LHFPL1: variants seen among roughly 807,000 people sequenced by gnomAD.
LHFPL1 encodes the protein LHFPL tetraspan subfamily member 1.
LHFPL1 carries 4 observed loss-of-function variants against 12.1 expected under a neutral mutation model. That is an observed-to-expected ratio of 0.33 (90% CI 0.16 to 0.76). The LOEUF (loss-of-function observed/expected upper bound fraction) is 0.76, where lower values mean the gene tolerates loss of function less well. Ranked by LOEUF, LHFPL1 falls within the 30% of genes least tolerant of loss-of-function variation. The probability of loss-of-function intolerance (pLI) is 0.61; values close to 1 mark genes in which losing one functional copy is unlikely to be tolerated. For missense variants in LHFPL1, 141 were observed against 174.1 expected (o/e 0.81, Z 1.07); for synonymous variants, 52 against 61.9 (o/e 0.84, Z 0.75).
intron 2 of LHFPL1, among the ~76,000 whole-genome samples, chrX:112,667,402 TG>T (rs1170893228): frequency 8.0e-5 from 9 of 112,039 alleles, no homozygotes; most frequent in African/African-American, 2.9e-4. Flanking sequence ...TACATCAGAA[TG>T]GGAAACGAGA....
chrX:112,654,585 A>G (rs1371031412), intron 3 of LHFPL1, among the ~76,000 whole-genome samples: 5 of 109,761 alleles, frequency 4.6e-5, no homozygotes, highest in Non-Finnish European at 9.5e-5. Context: ...ATTTATATTT[A>G]TGTTTATATT....
At chrX:112,652,123 T>G (rs182034482) in intron 3 of LHFPL1, among the ~76,000 whole-genome samples, 2 of 112,766 alleles carry the variant, frequency 1.8e-5, no homozygotes, top group Admixed American at 1.9e-4. Context: ...TCTTCTTAAA[T>G]CTTACCTTCT....
At chrX:112,679,751 G>A (rs1166125606) in intron 1 of LHFPL1, 78 bp downstream of exon 1, 2 of 111,783 alleles carry the variant, frequency 1.8e-5, no homozygotes, top group East Asian at 5.7e-4. Context: ...GGGGAGAAGG[G>A]GGGGCTGAGC....
chrX:112,666,588 C>T (rs1931341664), intron 2 of LHFPL1, among the ~76,000 whole-genome samples: 1 of 111,876 alleles, frequency 8.9e-6, no homozygotes, highest in Non-Finnish European at 1.9e-5. Context: ...ACAGTTGTTA[C>T]CTTTTCAGTG....
At chrX:112,657,230 T>C (rs1931033083) in intron 3 of LHFPL1, among the ~76,000 whole-genome samples, 1 of 112,098 alleles carries the variant, frequency 8.9e-6, no homozygotes, top group Non-Finnish European at 1.9e-5. Context: ...AACAAATTTA[T>C]CCAAATAAGT....
chrX:112,655,285 T>G (rs1930965564), intron 3 of LHFPL1, among the ~76,000 whole-genome samples: 1 of 112,166 alleles, frequency 8.9e-6, no homozygotes, highest in Admixed American at 9.5e-5. Context: ...ATTTGGGGAA[T>G]AGGAATTGGA....
chrX:112,663,574 A>C (rs1367624439), intron 2 of LHFPL1, among the ~76,000 whole-genome samples: 1 of 111,898 alleles, frequency 8.9e-6, no homozygotes, highest in Non-Finnish European at 1.9e-5. Context: ...TCCTTGTTAC[A>C]GATGTGAATG....
chrX:112,659,745 A>C (rs1485609211), intron 3 of LHFPL1, among the ~76,000 whole-genome samples: 1 of 111,699 alleles, frequency 9.0e-6, no homozygotes. Context: ...CAGAAATATT[A>C]TGTTTACCAG....
In LHFPL1 at chrX:112,670,889, T is replaced by C. The variant is rs767372970; in HGVS notation, c.382+120A>G. The C allele has an allele frequency of 8.6e-5, 67 of 781,145 alleles. No individual in the cohort carries two copies. The African/African-American group carries it at 1.1e-3, about 13-fold the overall frequency. 64.4% of individuals were successfully genotyped at this position (781,145 alleles called of 1,213,427 possible). ...AATATTTTAAAGGAGACTTCATTCA[T>C]AGCCTTAGAGTTGGACAAAGTGAAG... On this transcript the variant is annotated intron_variant, in intron 2 of 3. Transcript: ENST00000371968.
chrX:112,657,909 C>CAAAAAAAAAAAAAAAA (rs57793060), intron 3 of LHFPL1, among the ~76,000 whole-genome samples: 3 of 61,338 alleles, frequency 4.9e-5, no homozygotes, highest in African/African-American at 1.4e-4. Context: ...AAAACAGAAG[C>CAAAAAAAAAAAAAAAA]AAAAAAAAAA....
chrX:112,654,522 T>C (rs1339970194), intron 3 of LHFPL1, among the ~76,000 whole-genome samples: 3 of 110,806 alleles, frequency 2.7e-5, no homozygotes, highest in Non-Finnish European at 5.7e-5. Context: ...TATGATCCCA[T>C]TGGATATTGG....
At chrX:112,654,262 T>G (rs1569364152) in intron 3 of LHFPL1, among the ~76,000 whole-genome samples, 2 of 111,914 alleles carry the variant, frequency 1.8e-5, no homozygotes, top group Non-Finnish European at 3.8e-5. Flanking sequence ...TATGATTCAA[T>G]CATTCAACAA....
At chrX:112,643,378 C>CAAAAAAAAAAA (rs1164744066) in intron 3 of LHFPL1, among the ~76,000 whole-genome samples, 1 of 38,934 alleles carries the variant, frequency 2.6e-5, no homozygotes, top group Non-Finnish European at 4.9e-5. Flanking sequence ...GACTCCGTCT[C>CAAAAAAAAAAA]AAAAAAAAAA....
rs139059566 is a variant in LHFPL1 at position 112,657,673 on chromosome X, C to G, written c.481+2954G>C. On this transcript the variant is annotated intron_variant, in intron 3 of 3. Transcript: ENST00000371968. ...TTTCAACAAGGATACCAAGACCATT[C>G]AATGAGGGGAAATAATAGACTTTTC... Among the ~76,000 whole-genome samples the G allele has an allele frequency of 3.3e-3, 370 of 111,163 alleles. 1 individual carries two copies. Among genetic ancestry groups the G allele is most frequent in the Non-Finnish European group, 5.1e-3 (268 of 53,002 alleles).
chrX:112,648,373 A>G (rs140811610), intron 3 of LHFPL1, among the ~76,000 whole-genome samples: 3,264 of 111,802 alleles, frequency 0.029, 49 homozygotes, highest in Middle Eastern at 0.051. Context: ...AGATGGCCAT[A>G]CAAAAATAAC....
At chrX:112,654,444 A>G (rs150843601) in intron 3 of LHFPL1, among the ~76,000 whole-genome samples, 5,108 of 111,297 alleles carry the variant, frequency 0.046, 115 homozygotes, top group Non-Finnish European at 0.073. Context: ...TAGGTTTTCA[A>G]GAGATATGAA....
chrX:112,653,533 T>C (rs1930913774), intron 3 of LHFPL1, among the ~76,000 whole-genome samples: 1 of 112,600 alleles, frequency 8.9e-6, no homozygotes, highest in African/African-American at 3.2e-5. Flanking sequence ...TAGGAACAAG[T>C]GAATGGAAAG....
At chrX:112,643,726 C>T (rs772599249) in intron 3 of LHFPL1, among the ~76,000 whole-genome samples, 8 of 111,348 alleles carry the variant, frequency 7.2e-5, no homozygotes, top group South Asian at 7.6e-4. Context: ...TCACTTTAGT[C>T]GTGGGGAAAC....
At chrX:112,648,517 C>T (rs1056348452) in intron 3 of LHFPL1, 3 of 108,903 alleles carry the variant, frequency 2.8e-5, no homozygotes, top group Admixed American at 9.8e-5. Context: ...GTATAAGAAT[C>T]AGCTAAAAAA....
Sources: allele counts gnomAD v4.1 joint callset (sites outside exome capture counted in the v4.1 genomes callset), GRCh38; gene constraint gnomAD v4.1.1; transcripts MANE v1.5; gene names NCBI Gene and HGNC (gene_info 2026-07-23, HGNC 2026-07-21).